Variants in CNOT1 observed in about 807,000 individuals in gnomAD.
CNOT1 encodes CCR4-NOT transcription complex subunit 1, also known as CCR4-associated factor 1.
Under a neutral mutation model 273.8 loss-of-function variants are expected in CNOT1, and 15 were observed. That is an observed-to-expected ratio of 0.05 (90% CI 0.04 to 0.08). CNOT1 has a LOEUF of 0.08. Ranked by LOEUF, CNOT1 falls within the 10% of genes least tolerant of loss-of-function variation. The pLI is 1.00. For missense variants in CNOT1, 1,644 were observed against 2,912.2 expected (o/e 0.56, Z 10.02); for synonymous variants, 1,022 against 1,005.5 (o/e 1.02, Z -0.31).
In CNOT1 at chr16:58,534,129, C is replaced by T. The variant is rs764258008; in HGVS notation, c.5895+18G>A. ...CCACTGATGTAGACCAAGACTAAGG[C>T]AAGAAAGGATTTCAGACCTTGTTCA... On this transcript the variant is annotated intron_variant, in intron 40 of 48. Transcript: ENST00000317147. 2 of 1,611,250 alleles carry T rather than the reference C, an allele frequency of 1.2e-6. No individual in the cohort carries two copies. The highest frequency in any genetic ancestry group is 1.7e-6 in the Non-Finnish European group (2 of 1,177,754).
chr16:58,552,248 A>AC (rs1481163408), intron 22 of CNOT1, among the ~76,000 whole-genome samples: 1 of 151,904 alleles, frequency 6.6e-6, no homozygotes, highest in Admixed American at 6.6e-5. Flanking sequence ...AAAAAAAAAA[A>AC]CTCACTTTAC....
chr16:58,621,309 T>C (rs188079905), intron 1 of CNOT1, among the ~76,000 whole-genome samples: 2 of 152,100 alleles, frequency 1.3e-5, no homozygotes, highest in African/African-American at 2.4e-5. Context: ...GTTTTGCTCT[T>C]GTTGCCTAGG....
chr16:58,539,861 G>T lies in CNOT1; in HGVS notation c.4899C>A (p.Asn1633Lys). The stretch of plus-strand genomic sequence containing the variant: ...GACTTCGAAGAGCCTGAGCTTGAGG[G>T]TTCATGGCCAAAGTTGGTGGGATGG... ...LHAIPPTLAM[N>K]PQAQALRSLL... The change falls in exon 35 of 49, where the codon AAC becomes AAA. Residue 1633 changes from asparagine to lysine, a missense_variant. Transcript: ENST00000317147. 1 of 1,614,150 alleles carries T rather than the reference G, an allele frequency of 6.2e-7. No individual in the cohort carries two copies. Among genetic ancestry groups the T allele is most frequent in the Non-Finnish European group, 8.5e-7 (1 of 1,180,026 alleles).
chr16:58,536,806 C>G (rs1208723529), intron 39 of CNOT1, among the ~76,000 whole-genome samples, 183 bp downstream of exon 39: 3 of 152,110 alleles, frequency 2.0e-5, no homozygotes, highest in Non-Finnish European at 2.9e-5. Context: ...GTTGCCTTTA[C>G]TGCTTAGTGA....
intron 42 of CNOT1, chr16:58,530,669 A>C (rs2039749912): frequency 1.2e-5 from 2 of 168,770 alleles, no homozygotes; most frequent in Admixed American, 1.2e-4. Context: ...CTATAATCCC[A>C]GCTACTCTGG....
chr16:58,548,456 A>G (rs766632118), intron 25 of CNOT1: 44 of 495,436 alleles, frequency 8.9e-5, no homozygotes, highest in Non-Finnish European at 2.4e-5. Context: ...ACTTTTATGT[A>G]TCCCAACCAC....
intron 39 of CNOT1, among the ~76,000 whole-genome samples, chr16:58,535,410 GGAAA>G (rs1428606686): frequency 6.6e-6 from 1 of 152,062 alleles, no homozygotes; most frequent in Non-Finnish European, 1.5e-5. Flanking sequence ...AGCGCAAGAA[GGAAA>G]GAATTTTCAA....
At chr16:58,523,274 G>T in intron 47 of CNOT1, 96 bp downstream of exon 47, 2 of 1,340,430 alleles carry the variant, frequency 1.5e-6, no homozygotes, top group South Asian at 1.6e-5. Context: ...CAACCAAACG[G>T]ATTTTCACTG....
chr16:58,622,103 G>A (rs2043352161), intron 1 of CNOT1, among the ~76,000 whole-genome samples: 1 of 150,642 alleles, frequency 6.6e-6, no homozygotes, highest in Admixed American at 6.7e-5. Flanking sequence ...ACGAGGTCAG[G>A]AGATCGAGAC....
chr16:58,543,603 T>C lies in CNOT1; in HGVS notation c.4434+4A>G, dbSNP rs763781804. ...TACCTATACCAAGGAAATAGCCAAC[T>C]TACACGAAGGGCTGAGGCAAAACTG... On this transcript the variant is annotated splice_donor_region_variant and intron_variant, in intron 31 of 48. Coordinates refer to ENST00000317147, the MANE Select transcript of CNOT1 (RefSeq NM_016284.5). 1 of 1,614,154 alleles carries C rather than the reference T, an allele frequency of 6.2e-7. No homozygotes were observed. The highest frequency in any genetic ancestry group is 1.1e-5 in the South Asian group (1 of 91,084).
At chr16:58,604,808 A>C (rs1245052377) in intron 1 of CNOT1, among the ~76,000 whole-genome samples, 40 of 122,740 alleles carry the variant, frequency 3.3e-4, no homozygotes, top group South Asian at 1.2e-3. Flanking sequence ...AAAAAAAAAA[A>C]CAAAAAACAA....
At chr16:58,545,745 C>A (rs936230282) in intron 29 of CNOT1, among the ~76,000 whole-genome samples, 29 of 152,136 alleles carry the variant, frequency 1.9e-4, no homozygotes, top group Non-Finnish European at 1.5e-5. Flanking sequence ...GCAGCCATGC[C>A]ATATTGTCAG....
chr16:58,559,525 A>C (rs2151941704), intron 17 of CNOT1, among the ~76,000 whole-genome samples: 1 of 152,324 alleles, frequency 6.6e-6, no homozygotes, highest in Non-Finnish European at 1.5e-5. Flanking sequence ...CAATTTTGAA[A>C]ACAAAAACAA....
chr16:58,591,966 T>C (rs1182759630), intron 2 of CNOT1, among the ~76,000 whole-genome samples: 17 of 152,132 alleles, frequency 1.1e-4, no homozygotes, highest in Non-Finnish European at 2.4e-4. Context: ...ATGTGGCTCC[T>C]AGATCACAAT....
At chr16:58,606,175 G>A (rs567873787) in intron 1 of CNOT1, among the ~76,000 whole-genome samples, 45 of 152,214 alleles carry the variant, frequency 3.0e-4, no homozygotes, top group African/African-American at 8.2e-4. Context: ...GGCCAAGGCA[G>A]GAAGATCACT....
chr16:58,532,192 C>T (rs1203514228), intron 41 of CNOT1, 40 bp downstream of exon 41: 2 of 1,607,442 alleles, frequency 1.2e-6, no homozygotes, highest in African/African-American at 2.7e-5. Context: ...CTACATTAAT[C>T]CAGCAAACCT....
At chr16:58,605,222 G>A (rs559974345) in intron 1 of CNOT1, among the ~76,000 whole-genome samples, 40 of 152,236 alleles carry the variant, frequency 2.6e-4, no homozygotes, top group African/African-American at 9.1e-4. Context: ...AACACATATT[G>A]CTGGGCGTGG....
chr16:58,531,513 T>C (rs1462670645), intron 42 of CNOT1, among the ~76,000 whole-genome samples: 1 of 152,178 alleles, frequency 6.6e-6, no homozygotes, highest in African/African-American at 2.4e-5. Context: ...AGTGAGAGTC[T>C]GTAAAACCAA....
intron 43 of CNOT1, among the ~76,000 whole-genome samples, chr16:58,528,918 T>C (rs2039684781): frequency 6.7e-6 from 1 of 149,126 alleles, no homozygotes; most frequent in Non-Finnish European, 1.5e-5. Flanking sequence ...AATACAATGA[T>C]GTAAGCGTCT....
Sources: gnomAD v4.1 joint callset for allele counts (sites outside exome capture counted in the v4.1 genomes callset) on GRCh38, gnomAD v4.1.1 for gene constraint, MANE v1.5 for transcripts, NCBI Gene and HGNC (gene_info 2026-07-23, HGNC 2026-07-21) for gene names.